MEI4: variants seen among roughly 807,000 people sequenced by gnomAD.
The protein encoded by MEI4 is meiosis-specific protein MEI4.
In MEI4, 27 loss-of-function variants were observed where a neutral mutation model predicts 31.4. That is an observed-to-expected ratio of 0.86 (90% CI 0.63 to 1.19). The LOEUF (loss-of-function observed/expected upper bound fraction) is 1.19. MEI4 is among the 50% of genes most tolerant of loss of function. MEI4 has a pLI of 0.00. For synonymous variants in MEI4, 122 were observed against 145.4 expected (o/e 0.84, Z 1.16); for missense variants, 329 against 398.9 (o/e 0.82, Z 1.49).
At chr6:77,911,041 A>T (rs1220258287) in intron 4 of MEI4, among the ~76,000 whole-genome samples, 1 of 150,048 alleles carries the variant, frequency 6.7e-6, no homozygotes, top group Non-Finnish European at 1.5e-5. Context: ...TTTTTTGTAT[A>T]ACTGTTACCC....
chr6:77,681,821 T>C (rs1281222631), intron 1 of MEI4, among the ~76,000 whole-genome samples: 1 of 152,194 alleles, frequency 6.6e-6, no homozygotes, highest in African/African-American at 2.4e-5. Context: ...CTGTATCCTT[T>C]TATCTTTGCA....
At chr6:77,731,632 A>ATTAGATCCCATTTGTCAATT (rs1467064174) in intron 2 of MEI4, among the ~76,000 whole-genome samples, 1 of 151,220 alleles carries the variant, frequency 6.6e-6, no homozygotes, top group Non-Finnish European at 1.5e-5. Context: ...CTTTAGTTGA[A>ATTAGATCCCATTTGTCAATT]TTAGATCCCA....
chr6:77,883,441 C>T lies in MEI4; in HGVS notation c.901-39648C>T, dbSNP rs527286106. On this transcript the variant is annotated intron_variant, in intron 4 of 4. Coordinates refer to ENST00000684080, the MANE Select transcript of MEI4 (RefSeq NM_001322247.2). ...ACATTAATGAACCTCTCTTCATCTC[C>T]AACCCCACCCCGCCTCCCCCCGTGA... Among the ~76,000 whole-genome samples, 3 of 151,654 alleles carry T rather than the reference C, an allele frequency of 2.0e-5. No individual in the cohort carries two copies. The South Asian group carries it at 6.2e-4, about 32-fold the overall frequency.
chr6:77,883,543 G>T (rs1771537369), intron 4 of MEI4, among the ~76,000 whole-genome samples: 1 of 151,204 alleles, frequency 6.6e-6, no homozygotes, highest in Admixed American at 6.6e-5. Flanking sequence ...GTGACAATCT[G>T]CAATGTTGGT....
intron 4 of MEI4, among the ~76,000 whole-genome samples, chr6:77,858,455 C>T (rs895328893): frequency 4.6e-5 from 7 of 152,046 alleles, no homozygotes; most frequent in African/African-American, 1.4e-4. Flanking sequence ...TAAGATTTAA[C>T]TTACATGGTA....
chr6:77,711,778 A>G (rs1766471653), intron 2 of MEI4, among the ~76,000 whole-genome samples: 1 of 152,212 alleles, frequency 6.6e-6, no homozygotes, highest in African/African-American at 2.4e-5. Context: ...TTCTACTCTC[A>G]GAACTAGTAT....
At chr6:77,731,087 T>A (rs1291487115) in intron 2 of MEI4, among the ~76,000 whole-genome samples, 1 of 151,942 alleles carries the variant, frequency 6.6e-6, no homozygotes, top group Admixed American at 6.6e-5. Context: ...TCAATAAACA[T>A]ATGTGTGCAT....
chr6:77,732,355 T>G (rs1367804562), intron 2 of MEI4, among the ~76,000 whole-genome samples: 1 of 151,978 alleles, frequency 6.6e-6, no homozygotes. Context: ...TCCCTTGTAA[T>G]TTGGATTCCT....
intron 3 of MEI4, among the ~76,000 whole-genome samples, chr6:77,770,569 A>T (rs1324123789): frequency 6.6e-6 from 1 of 151,784 alleles, no homozygotes; most frequent in Non-Finnish European, 1.5e-5. Flanking sequence ...AAAAAGAACA[A>T]AGCTGGAGGC....
At chr6:77,886,468 T>C (rs1771621945) in intron 4 of MEI4, among the ~76,000 whole-genome samples, 3 of 152,110 alleles carry the variant, frequency 2.0e-5, no homozygotes, top group Non-Finnish European at 4.4e-5. Context: ...TCTCACTCTG[T>C]TGCCCAAGCT....
chr6:77,879,035 A>T (rs538047943), intron 4 of MEI4, among the ~76,000 whole-genome samples: 1 of 152,296 alleles, frequency 6.6e-6, no homozygotes, highest in African/African-American at 2.4e-5. Flanking sequence ...AAATAGAATC[A>T]TTAAGGAGAC....
In MEI4 at chr6:77,923,504, A is replaced by G; in HGVS notation, c.*158A>G. On this transcript the variant is annotated 3_prime_UTR_variant, in exon 5 of 5. Coordinates refer to ENST00000684080, the MANE Select transcript of MEI4 (RefSeq NM_001322247.2). ...AACTTAATGGTTAGTCTTAAATTGT[A>G]TGAAATTTTATGAGTCATATTTCTA... is the stretch of plus-strand genomic sequence containing the variant. The G allele has an allele frequency of 1.6e-6, 1 of 612,966 alleles. No individual in the cohort carries two copies. Among genetic ancestry groups the G allele is most frequent in the Non-Finnish European group, 2.3e-6 (1 of 429,248 alleles). 38.0% of individuals were successfully genotyped at this position (612,966 alleles called of 1,614,324 possible).
intron 4 of MEI4, among the ~76,000 whole-genome samples, chr6:77,881,977 G>A (rs1006463652): frequency 6.6e-6 from 1 of 152,186 alleles, no homozygotes; most frequent in Non-Finnish European, 1.5e-5. Context: ...GATTACAGGC[G>A]CAGTTACTGG....
At chr6:77,743,401 C>G (rs1289693720) in intron 2 of MEI4, among the ~76,000 whole-genome samples, 1 of 152,102 alleles carries the variant, frequency 6.6e-6, no homozygotes, top group Non-Finnish European at 1.5e-5. Context: ...TTGGAGTTCA[C>G]TCATAATTTG....
intron 2 of MEI4, among the ~76,000 whole-genome samples, chr6:77,744,492 A>G (rs1460995025): frequency 6.6e-6 from 1 of 152,178 alleles, no homozygotes; most frequent in Admixed American, 6.5e-5. Flanking sequence ...TCTACGTCTG[A>G]TTGGTGTACC....
chr6:77,863,291 A>G (rs1381057019), intron 4 of MEI4, among the ~76,000 whole-genome samples: 4 of 152,210 alleles, frequency 2.6e-5, no homozygotes, highest in Non-Finnish European at 4.4e-5. Flanking sequence ...ACTCTGAGCT[A>G]AAGGAGGAAG....
At chr6:77,890,297 C>T (rs1390086216) in intron 4 of MEI4, among the ~76,000 whole-genome samples, 1 of 152,222 alleles carries the variant, frequency 6.6e-6, no homozygotes, top group Non-Finnish European at 1.5e-5. Context: ...GCCATGGGAG[C>T]CCACCTCTAG....
chr6:77,661,532 C>A (rs1427960197), intron 1 of MEI4, among the ~76,000 whole-genome samples: 1 of 152,132 alleles, frequency 6.6e-6, no homozygotes, highest in Non-Finnish European at 1.5e-5. Flanking sequence ...AGGGGCAAAT[C>A]TCCGAGCTTG....
intron 1 of MEI4, among the ~76,000 whole-genome samples, chr6:77,680,733 C>T (rs1768941672): frequency 6.6e-6 from 1 of 151,904 alleles, no homozygotes; most frequent in Non-Finnish European, 1.5e-5. Flanking sequence ...TCCATGTAGA[C>T]TATAATAAAG....
Sources: gnomAD v4.1 joint callset for allele counts (sites outside exome capture counted in the v4.1 genomes callset) on GRCh38, gnomAD v4.1.1 for gene constraint, MANE v1.5 for transcripts, NCBI Gene and HGNC (gene_info 2026-07-23, HGNC 2026-07-21) for gene names.